The following FAF1 variants were observed in gnomAD, a reference collection of about 807,000 sequenced individuals.
FAF1 encodes Fas associated factor 1.
Under a neutral mutation model 92.5 loss-of-function variants are expected in FAF1, and 25 were observed. The ratio of observed to expected loss-of-function variants is 0.27; its 90% CI spans 0.20 to 0.38. FAF1 has a LOEUF of 0.38. FAF1 is among the 10% of genes least tolerant of loss of function. The pLI, the probability that FAF1 is intolerant of heterozygous loss-of-function variation, is 1.00. For synonymous variants in FAF1, 234 were observed against 273.2 expected, an observed-to-expected ratio of 0.86 and a Z score of 1.42; for missense variants, 636 against 793.3, an observed-to-expected ratio of 0.80 and a Z score of 2.38.
At chr1:50,580,616 A>G (rs575031168) in intron 12 of FAF1, among the ~76,000 whole-genome samples, 4 of 152,170 alleles carry the variant, frequency 2.6e-5, no homozygotes, top group Admixed American at 2.6e-4. Context: ...ATATAATATT[A>G]AAAGGTAAAA....
At chr1:50,806,628 G>C (rs184701141) in intron 2 of FAF1, among the ~76,000 whole-genome samples, 1 of 152,190 alleles carries the variant, frequency 6.6e-6, no homozygotes, top group Admixed American at 6.5e-5. Flanking sequence ...ACCCATGGAG[G>C]TGTCATGGCC....
chr1:50,687,044 G>A (rs1656694371), intron 7 of FAF1, among the ~76,000 whole-genome samples: 1 of 152,076 alleles, frequency 6.6e-6, no homozygotes, highest in African/African-American at 2.4e-5. Context: ...GCCCAGGCTG[G>A]ACTCGAACTC....
intron 18 of FAF1, among the ~76,000 whole-genome samples, chr1:50,453,615 T>C (rs753148004): frequency 3.3e-5 from 5 of 152,198 alleles, no homozygotes; most frequent in Admixed American, 1.3e-4. Flanking sequence ...GCAAGAATCA[T>C]GAACAGAGCA....
At chr1:50,541,800 C>A (rs911280703) in intron 13 of FAF1, among the ~76,000 whole-genome samples, 4 of 151,890 alleles carry the variant, frequency 2.6e-5, no homozygotes, top group African/African-American at 7.3e-5. Context: ...GAAAAGCAGG[C>A]AAGTTCAGTG....
intron 8 of FAF1, among the ~76,000 whole-genome samples, chr1:50,622,164 C>CAA (rs529143892): frequency 1.4e-3 from 163 of 116,554 alleles, no homozygotes; most frequent in Middle Eastern, 4.4e-3. Flanking sequence ...GACTCCATCT[C>CAA]AAAAAAAAAA....
At chr1:50,497,074 C>T (rs985346873) in intron 15 of FAF1, among the ~76,000 whole-genome samples, 1 of 151,240 alleles carries the variant, frequency 6.6e-6, no homozygotes, top group African/African-American at 2.4e-5. Flanking sequence ...AAACATTAAG[C>T]AAAAGAAACA....
At chr1:50,682,999 C>T (rs1225528907) in intron 7 of FAF1, among the ~76,000 whole-genome samples, 1 of 152,032 alleles carries the variant, frequency 6.6e-6, no homozygotes, top group East Asian at 1.9e-4. Context: ...CACCACTACA[C>T]TCCAGCCTGG....
chr1:50,697,017 A>T (rs577911422), intron 7 of FAF1, among the ~76,000 whole-genome samples: 9 of 152,370 alleles, frequency 5.9e-5, no homozygotes, highest in African/African-American at 2.2e-4. Flanking sequence ...CCCTGTATCA[A>T]TCAATTTGGA....
At chr1:50,742,486 C>A (rs1000088256) in intron 5 of FAF1, among the ~76,000 whole-genome samples, 3 of 152,048 alleles carry the variant, frequency 2.0e-5, no homozygotes, top group Admixed American at 1.3e-4. Context: ...CAGGTTCAAG[C>A]GATTCTTGTG....
At chr1:50,774,864 AG>A (rs2124551819) in intron 4 of FAF1, among the ~76,000 whole-genome samples, 1 of 152,244 alleles carries the variant, frequency 6.6e-6, no homozygotes, top group South Asian at 2.1e-4. Flanking sequence ...AATTTATTCA[AG>A]ATAAGAAAAC....
At chr1:50,945,886 A>C (rs1448512700) in intron 1 of FAF1, among the ~76,000 whole-genome samples, 2 of 152,240 alleles carry the variant, frequency 1.3e-5, no homozygotes, top group Non-Finnish European at 2.9e-5. Context: ...ATCCATTATC[A>C]GTCTGCATAG....
At chr1:50,643,763 T>A (rs1246206474) in intron 8 of FAF1, among the ~76,000 whole-genome samples, 1 of 152,114 alleles carries the variant, frequency 6.6e-6, no homozygotes, top group Non-Finnish European at 1.5e-5. Flanking sequence ...TGGCTAATTT[T>A]TGTAGTTTTA....
intron 8 of FAF1, among the ~76,000 whole-genome samples, chr1:50,612,667 G>T (rs1652733931): frequency 1.3e-5 from 2 of 152,138 alleles, no homozygotes; most frequent in Non-Finnish European, 2.9e-5. Context: ...TAACAACTTT[G>T]GTCTCGGGAC....
At chr1:50,488,746 A>G (rs991487410) in intron 17 of FAF1, among the ~76,000 whole-genome samples, 2 of 152,156 alleles carry the variant, frequency 1.3e-5, no homozygotes, top group Non-Finnish European at 2.9e-5. Context: ...CTCCTCAATG[A>G]ACTTCAGTTT....
At chr1:50,693,244 T>A (rs1011155017) in intron 7 of FAF1, among the ~76,000 whole-genome samples, 1 of 152,188 alleles carries the variant, frequency 6.6e-6, no homozygotes. Flanking sequence ...CTGTCTGGTG[T>A]GAGGGAACAG....
At chr1:50,903,966 C>A (rs1644815974) in intron 1 of FAF1, among the ~76,000 whole-genome samples, 1 of 152,126 alleles carries the variant, frequency 6.6e-6, no homozygotes, top group African/African-American at 2.4e-5. Flanking sequence ...TATGGCAGCC[C>A]TCAAAAAATT....
At chr1:50,527,834 TCTCTCTCTCC>T (rs1647899671) in intron 15 of FAF1, among the ~76,000 whole-genome samples, 1 of 133,396 alleles carries the variant, frequency 7.5e-6, no homozygotes, top group Non-Finnish European at 1.6e-5. Context: ...TCTCTCTCTC[TCTCTCTCTCC>T]CTCTCTCCCT....
intron 1 of FAF1, among the ~76,000 whole-genome samples, chr1:50,943,192 A>G (rs778149280): frequency 2.6e-5 from 4 of 152,162 alleles, no homozygotes; most frequent in Non-Finnish European, 5.9e-5. Flanking sequence ...AGAGGCTTGA[A>G]CTAAATCTGA....
intron 1 of FAF1, among the ~76,000 whole-genome samples, chr1:50,926,513 G>A (rs937462128): frequency 6.6e-6 from 1 of 152,018 alleles, no homozygotes; most frequent in African/African-American, 2.4e-5. Context: ...GTTCTACAGC[G>A]CTGTGGGGTG....
Sources: allele counts gnomAD v4.1 joint callset (sites outside exome capture counted in the v4.1 genomes callset), GRCh38; gene constraint gnomAD v4.1.1; transcripts MANE v1.5; gene names NCBI Gene and HGNC (gene_info 2026-07-23, HGNC 2026-07-21).